The following SPAG16 variants were observed in gnomAD, a reference collection of about 807,000 sequenced individuals.
SPAG16 encodes the protein sperm associated antigen 16, also known as sperm-associated antigen 16 protein.
A neutral mutation model predicts 80.4 loss-of-function variants in SPAG16; 86 were observed. That is an observed-to-expected ratio of 1.07 (90% confidence interval 0.90 to 1.28). SPAG16 has a LOEUF of 1.28. Ranked by LOEUF, SPAG16 falls within the 50% of genes most tolerant of loss-of-function variation. The pLI, the probability that SPAG16 is intolerant of heterozygous loss-of-function variation, is 0.00. For synonymous variants in SPAG16, 294 were observed against 265.9 expected (o/e 1.11, Z -1.03); for missense variants, 870 against 765.3 (o/e 1.14, Z -1.61).
intron 15 of SPAG16, among the ~76,000 whole-genome samples, chr2:214,290,344 T>C (rs1693703252): frequency 6.6e-6 from 1 of 152,086 alleles, no homozygotes; most frequent in African/African-American, 2.4e-5. Context: ...TTTGTTTTGT[T>C]GAATGTGTTT....
intron 12 of SPAG16, among the ~76,000 whole-genome samples, chr2:213,948,828 C>A (rs1169929998): frequency 6.6e-6 from 1 of 152,166 alleles, no homozygotes; most frequent in Non-Finnish European, 1.5e-5. Flanking sequence ...GTATATATTT[C>A]TGTTACATTT....
intron 9 of SPAG16, among the ~76,000 whole-genome samples, chr2:213,458,955 T>C (rs2125604100): frequency 6.6e-6 from 1 of 152,344 alleles, no homozygotes; most frequent in South Asian, 2.1e-4. Flanking sequence ...GTTGATGTCA[T>C]TTATCAGTTG....
At chr2:214,239,917 G>A (rs1689346094) in intron 15 of SPAG16, 1 of 151,752 alleles carries the variant, frequency 6.6e-6, no homozygotes, top group African/African-American at 2.4e-5. Context: ...AATTCTCATT[G>A]AAAAAAAATG....
chr2:214,243,123 TAGAAAC>T (rs1262207340), intron 15 of SPAG16, among the ~76,000 whole-genome samples: 6 of 152,138 alleles, frequency 3.9e-5, no homozygotes, highest in African/African-American at 1.4e-4. Context: ...GGAAAGAGCC[TAGAAAC>T]CTGGTTCAAT....
intron 11 of SPAG16, among the ~76,000 whole-genome samples, chr2:213,869,215 T>C (rs1266831833): frequency 7.3e-6 from 1 of 137,228 alleles, no homozygotes; most frequent in Non-Finnish European, 1.6e-5. Context: ...ATCGCGCCAT[T>C]GAACTCTAGC....
At chr2:213,878,422 A>T (rs778790110) in intron 11 of SPAG16, among the ~76,000 whole-genome samples, 18 of 151,890 alleles carry the variant, frequency 1.2e-4, no homozygotes, top group Non-Finnish European at 2.5e-4. Context: ...ATTTGTCAAT[A>T]TGCTTTTTGG....
chr2:213,650,295 A>T (rs2062974405), intron 10 of SPAG16, among the ~76,000 whole-genome samples: 1 of 152,164 alleles, frequency 6.6e-6, no homozygotes, highest in African/African-American at 2.4e-5. Context: ...TTTTTAAGCC[A>T]TATGTAATCT....
chr2:214,358,934 T>A (rs1050288069), intron 15 of SPAG16, among the ~76,000 whole-genome samples: 1 of 151,944 alleles, frequency 6.6e-6, no homozygotes, highest in East Asian at 1.9e-4. Context: ...AAGGAATTCA[T>A]TGATATTAAT....
intron 13 of SPAG16, among the ~76,000 whole-genome samples, chr2:214,060,561 A>G (rs544472567): frequency 2.0e-4 from 31 of 152,352 alleles, no homozygotes; most frequent in African/African-American, 7.5e-4. Flanking sequence ...TTAATAAGCA[A>G]TGTGTAATAC....
chr2:213,698,842 T>TA (rs1404931854), intron 10 of SPAG16, among the ~76,000 whole-genome samples: 2 of 152,198 alleles, frequency 1.3e-5, no homozygotes, highest in Non-Finnish European at 2.9e-5. Flanking sequence ...GCTTTTTTCC[T>TA]ACCTGAAATA....
intron 10 of SPAG16, among the ~76,000 whole-genome samples, chr2:213,837,629 G>A (rs1028710889): frequency 6.6e-6 from 1 of 152,132 alleles, no homozygotes; most frequent in Non-Finnish European, 1.5e-5. Flanking sequence ...AAAGAATATT[G>A]TATTAGGCAG....
intron 1 of SPAG16, among the ~76,000 whole-genome samples, chr2:213,295,419 T>A (rs376411485): frequency 1.3e-5 from 2 of 152,214 alleles, no homozygotes; most frequent in East Asian, 3.9e-4. Context: ...TTCTTCAGTA[T>A]TTATGAAATT....
At chr2:213,929,823 T>C in intron 11 of SPAG16, 137 bp from the exon 12 acceptor site, 1 of 671,232 alleles carries the variant, frequency 1.5e-6, no homozygotes. Flanking sequence ...TAATAATATT[T>C]AGTCATTTAG....
At chr2:213,440,154 C>A (rs1366514063) in intron 9 of SPAG16, among the ~76,000 whole-genome samples, 1 of 152,094 alleles carries the variant, frequency 6.6e-6, no homozygotes, top group Non-Finnish European at 1.5e-5. Context: ...CAATTTAATT[C>A]CATGGGCCAT....
chr2:214,055,132 A>G (rs2049871475), intron 13 of SPAG16, among the ~76,000 whole-genome samples: 1 of 152,172 alleles, frequency 6.6e-6, no homozygotes, highest in Non-Finnish European at 1.5e-5. Context: ...ACCTCATTAC[A>G]TTTATTTTTT....
chr2:213,330,648 A>C (rs956688795), intron 5 of SPAG16, among the ~76,000 whole-genome samples: 3 of 152,190 alleles, frequency 2.0e-5, no homozygotes, highest in African/African-American at 7.2e-5. Context: ...TTTTGAGTTA[A>C]TGCTGAAAAG....
chr2:213,552,906 A>G (rs897277633), intron 10 of SPAG16, among the ~76,000 whole-genome samples: 12 of 151,930 alleles, frequency 7.9e-5, no homozygotes, highest in Non-Finnish European at 1.0e-4. Flanking sequence ...TCAAACATCA[A>G]ATTCTTTGGC....
At chr2:213,749,888 CT>C (rs1413302179) in intron 10 of SPAG16, among the ~76,000 whole-genome samples, 8 of 152,310 alleles carry the variant, frequency 5.3e-5, no homozygotes, top group African/African-American at 1.7e-4. Flanking sequence ...TATGTAGACA[CT>C]CAATAAATGT....
chr2:213,979,830 C>T (rs1241128124), intron 12 of SPAG16, among the ~76,000 whole-genome samples: 1 of 151,946 alleles, frequency 6.6e-6, no homozygotes, highest in Non-Finnish European at 1.5e-5. Flanking sequence ...ATGTATAGTA[C>T]TGTTTTCCAT....
Sources: gnomAD v4.1 joint callset for allele counts (sites outside exome capture counted in the v4.1 genomes callset) on GRCh38, gnomAD v4.1.1 for gene constraint, MANE v1.5 for transcripts, NCBI Gene and HGNC (gene_info 2026-07-23, HGNC 2026-07-21) for gene names.